PAWR: variants seen among roughly 807,000 people sequenced by gnomAD.
PAWR encodes pro-apoptotic WT1 regulator.
A neutral mutation model predicts 32.0 loss-of-function variants in PAWR; 23 were observed. That is an observed-to-expected ratio of 0.72 (90% CI 0.52 to 1.02). The LOEUF is 1.02. Among genes scored for constraint, PAWR ranks in the 50% least tolerant of loss-of-function variants. The probability of loss-of-function intolerance (pLI) is 0.00; values close to 1 mark genes in which losing one functional copy is unlikely to be tolerated. For synonymous variants in PAWR, 226 were observed against 187.1 expected (o/e 1.21, Z -1.70); for missense variants, 457 against 437.7 (o/e 1.04, Z -0.39).
intron 4 of PAWR, among the ~76,000 whole-genome samples, chr12:79,611,709 CA>C (rs985597510): frequency 4.6e-5 from 7 of 151,832 alleles, no homozygotes; most frequent in African/African-American, 1.7e-4. Flanking sequence ...CAATATTAAA[CA>C]GGGGCAAATC....
chr12:79,587,514 AAC>A lies in PAWR; in HGVS notation c.*5091_*5092del, dbSNP rs1224871155. The A allele has an allele frequency of 1.3e-5, 2 of 152,050 alleles. No individual in the cohort carries two copies. Among genetic ancestry groups the A allele is most frequent in the African/African-American group, 4.8e-5 (2 of 41,444 alleles). 9.4% of individuals were successfully genotyped at this position (152,050 alleles called of 1,614,324 possible). A position where few individuals can be genotyped will look rare whatever the true frequency, so the allele number is the denominator to read the frequency against. On this transcript the variant is annotated 3_prime_UTR_variant, in exon 7 of 7. Transcript: ENST00000328827. ...CAAGAAATTATTCATGTAGTTTTAAAACACAATTAAAATTTTCAGTCAGGCTG... is the reference window on the plus strand; with the variant it reads ...CAAGAAATTATTCATGTAGTTTTAAAACAATTAAAATTTTCAGTCAGGCTG...
At chr12:79,666,863 T>G (rs1877632115) in intron 2 of PAWR, among the ~76,000 whole-genome samples, 1 of 152,182 alleles carries the variant, frequency 6.6e-6, no homozygotes, top group African/African-American at 2.4e-5. Context: ...TACTCAATAA[T>G]TTTTAAGAAT....
At chr12:79,629,280 G>C (rs1437307950) in intron 2 of PAWR, among the ~76,000 whole-genome samples, 1 of 151,966 alleles carries the variant, frequency 6.6e-6, no homozygotes, top group Non-Finnish European at 1.5e-5. Flanking sequence ...ACACAAATAG[G>C]TTCCAAGTGA....
At chr12:79,614,833 A>G (rs1299415328) in intron 3 of PAWR, among the ~76,000 whole-genome samples, 1 of 152,204 alleles carries the variant, frequency 6.6e-6, no homozygotes, top group Non-Finnish European at 1.5e-5. Context: ...GAACCAGTAC[A>G]GCAAACCATA....
At chr12:79,672,737 AG>A (rs1317749022) in intron 2 of PAWR, among the ~76,000 whole-genome samples, 3 of 152,032 alleles carry the variant, frequency 2.0e-5, no homozygotes, top group South Asian at 2.1e-4. Context: ...AAAAAAAAAA[AG>A]ATTCTAATTT....
chr12:79,595,611 C>A (rs1873721449), intron 5 of PAWR, among the ~76,000 whole-genome samples: 1 of 152,198 alleles, frequency 6.6e-6, no homozygotes, highest in Admixed American at 6.5e-5. Flanking sequence ...CTTTAGGAAG[C>A]CGAGGCGGGT....
chr12:79,689,120 T>A (rs1878834470), intron 2 of PAWR, among the ~76,000 whole-genome samples: 1 of 152,208 alleles, frequency 6.6e-6, no homozygotes, highest in African/African-American at 2.4e-5. Flanking sequence ...ATCCCTATTG[T>A]CCTAAGTATC....
At chr12:79,609,517 G>A (rs770642538) in intron 4 of PAWR, among the ~76,000 whole-genome samples, 4 of 151,806 alleles carry the variant, frequency 2.6e-5, no homozygotes, top group Non-Finnish European at 2.9e-5. Flanking sequence ...CCCATGGCCC[G>A]TCCTGCTCCC....
chr12:79,619,664 G>A (rs1453541430), intron 3 of PAWR, among the ~76,000 whole-genome samples: 1 of 152,128 alleles, frequency 6.6e-6, no homozygotes, highest in Non-Finnish European at 1.5e-5. Context: ...CAACTGTTAA[G>A]ACTGGTACTG....
At position 79,690,024 on chromosome 12, in the gene PAWR, G is replaced by A. The variant is rs934921060; in HGVS notation, c.221C>T (p.Pro74Leu). 17 of 1,314,164 alleles carry A rather than the reference G, an allele frequency of 1.3e-5. No individual in the cohort carries two copies. Among genetic ancestry groups the A allele is most frequent in the Non-Finnish European group, 1.6e-5 (17 of 1,038,604 alleles). 81.4% of individuals were successfully genotyped at this position (1,314,164 alleles called of 1,614,324 possible). A position where few individuals can be genotyped will look rare whatever the true frequency, so the allele number is the denominator to read the frequency against. The change falls in exon 2 of 7, where the codon CCG (proline) becomes CTG (leucine). Residue 74 changes from proline (P) to leucine (L), a missense_variant. Physicochemically the swap from Pro to Leu is moderately conservative, Grantham distance 98. Coordinates refer to ENST00000328827, the MANE Select transcript of PAWR (RefSeq NM_002583.4). Reference protein sequence around the residue: ...AAANELNNNLPGGAPAAPAVP... With the variant: ...AAANELNNNLLGGAPAAPAVP... Reference sequence around the variant, plus strand: ...GGCAGGTGCGGCCGGCGCGCCGCCCGGGAGGTTGTTGTTGAGCTCGTTGGC... The same window carrying A: ...GGCAGGTGCGGCCGGCGCGCCGCCCAGGAGGTTGTTGTTGAGCTCGTTGGC...
chr12:79,632,332 T>TAC (rs1875709534), intron 2 of PAWR, among the ~76,000 whole-genome samples: 7 of 48,774 alleles, frequency 1.4e-4, no homozygotes, highest in African/African-American at 2.9e-4. Context: ...TATATATATA[T>TAC]ATATATATAT....
chr12:79,589,760 C>T lies in PAWR; in HGVS notation c.*2847G>A, dbSNP rs549195921. 1 of 152,138 alleles carries T rather than the reference C, an allele frequency of 6.6e-6. No homozygotes were observed. The highest frequency in any genetic ancestry group is 1.5e-5 in the Non-Finnish European group (1 of 68,012). The allele number at this position is 152,138 out of a possible 1,614,324, so 9.4% of individuals were successfully genotyped here. On this transcript the variant is annotated 3_prime_UTR_variant, in exon 7 of 7. Transcript: ENST00000328827. ...GTTCATTTTAAAGATGACAAACTTACTATTTTGAAAATGAGCTCATAAATA... is the reference window on the plus strand; with the variant it reads ...GTTCATTTTAAAGATGACAAACTTATTATTTTGAAAATGAGCTCATAAATA...
At chr12:79,644,559 G>C (rs569698756) in intron 2 of PAWR, among the ~76,000 whole-genome samples, 20 of 152,260 alleles carry the variant, frequency 1.3e-4, no homozygotes, top group African/African-American at 4.8e-4. Context: ...TTGGTAAAGA[G>C]TGCTGTGCTT....
At chr12:79,626,409 A>G (rs1283441576) in intron 2 of PAWR, among the ~76,000 whole-genome samples, 5 of 148,676 alleles carry the variant, frequency 3.4e-5, no homozygotes, top group Admixed American at 1.3e-4. Flanking sequence ...ACAGGCGCCC[A>G]CCACCACGCC....
intron 4 of PAWR, among the ~76,000 whole-genome samples, chr12:79,600,648 C>CTTTTTTTTTTTTTT (rs1025749975): frequency 9.8e-6 from 1 of 102,368 alleles, no homozygotes; most frequent in Non-Finnish European, 1.8e-5. Context: ...CCATACCTGG[C>CTTTTTTTTTTTTTT]TTTTTTTTTT....
rs8176852 is a variant in PAWR at position 79,624,385 on chromosome 12, C to G, written c.517-3178G>C. Among the ~76,000 whole-genome samples, 11 of 152,108 alleles carry G rather than the reference C, an allele frequency of 7.2e-5. 1 individual carries two copies. Among genetic ancestry groups the G allele is most frequent in the Admixed American group, 3.9e-4 (6 of 15,270 alleles). ...TTTCATAAAACAATGAATGAGTTAC[C>G]AAGATGAGACAAATCATCTTGGAGA... On this transcript the variant is annotated intron_variant, in intron 2 of 6. Transcript: ENST00000328827.
intron 2 of PAWR, among the ~76,000 whole-genome samples, chr12:79,638,596 T>C (rs1165797283): frequency 6.6e-6 from 1 of 151,758 alleles, no homozygotes; most frequent in Non-Finnish European, 1.5e-5. Context: ...TGGACTCTAC[T>C]GGTTTCTACT....
Position 79,690,195 on chromosome 12 carries a change from G to A in PAWR, c.50C>T (p.Thr17Ile). ...CGCCTTCCACTCCTCCAGGAAGTCTGTGGTGCTGCCGCCGAGGCCGCTGCT... is the reference window on the plus strand; with the variant it reads ...CGCCTTCCACTCCTCCAGGAAGTCTATGGTGCTGCCGCCGAGGCCGCTGCT... ...RTSSGLGGST[T>I]DFLEEWKAKR... Residue 17 changes from threonine (T) to isoleucine (I), a missense_variant, in exon 2 of 7, where the codon ACA becomes ATA. Thr to Ile is a moderately conservative substitution (Grantham distance 89). Transcript: ENST00000328827. The A allele has an allele frequency of 2.0e-6, 3 of 1,532,886 alleles. No homozygotes were observed. Among genetic ancestry groups the A allele is most frequent in the South Asian group, 1.2e-5 (1 of 84,410 alleles). The allele number at this position is 1,532,886 out of a possible 1,614,324, so 95.0% of individuals were successfully genotyped here.
chr12:79,655,913 T>A (rs199977054), intron 2 of PAWR, among the ~76,000 whole-genome samples: 1 of 152,112 alleles, frequency 6.6e-6, no homozygotes, highest in East Asian at 1.9e-4. Flanking sequence ...AAATAAGCAA[T>A]TAAAATAGAG....
Sources: allele counts gnomAD v4.1 joint callset (sites outside exome capture counted in the v4.1 genomes callset), GRCh38; gene constraint gnomAD v4.1.1; transcripts MANE v1.5; gene names NCBI Gene and HGNC (gene_info 2026-07-23, HGNC 2026-07-21).